Variants in ASTN2 observed in about 807,000 individuals in gnomAD.
ASTN2 encodes the protein astrotactin 2, also known as astrotactin-2.
In ASTN2, 54 loss-of-function variants were observed where a neutral mutation model predicts 139.8. The ratio of observed to expected loss-of-function variants is 0.39; its 90% CI spans 0.31 to 0.48. ASTN2 has a LOEUF of 0.48. Ranked by LOEUF, ASTN2 falls within the 20% of genes least tolerant of loss-of-function variation. ASTN2 has a pLI of 0.95. For missense variants in ASTN2, 1,565 were observed against 1,725.1 expected, an observed-to-expected ratio of 0.91 and a Z score of 1.64; for synonymous variants, 756 against 719.5, an observed-to-expected ratio of 1.05 and a Z score of -0.81.
intron 3 of ASTN2, among the ~76,000 whole-genome samples, chr9:117,213,199 C>T (rs1158326139): frequency 6.6e-6 from 1 of 152,116 alleles, no homozygotes; most frequent in Non-Finnish European, 1.5e-5. Context: ...TTAAATGTCA[C>T]ATATTCTTAT....
chr9:116,879,029 T>G (rs2132366055), intron 10 of ASTN2, among the ~76,000 whole-genome samples: 1 of 152,002 alleles, frequency 6.6e-6, no homozygotes, highest in Non-Finnish European at 1.5e-5. Context: ...CAGAGGGGGT[T>G]GCCGTGAGCC....
At chr9:116,963,918 G>A (rs141931907) in intron 10 of ASTN2, among the ~76,000 whole-genome samples, 2 of 152,222 alleles carry the variant, frequency 1.3e-5, no homozygotes, top group Non-Finnish European at 2.9e-5. Flanking sequence ...TTGACTAAAG[G>A]CCTCAGCTCC....
chr9:116,839,885 T>TA (rs1564297207), intron 11 of ASTN2, among the ~76,000 whole-genome samples: 2,721 of 116,482 alleles, frequency 0.023, 80 homozygotes, highest in African/African-American at 0.094. Context: ...ATTATTATTT[T>TA]TTTTTTTTTA....
chr9:116,705,938 G>C (rs1202341936), intron 16 of ASTN2, among the ~76,000 whole-genome samples: 2 of 152,108 alleles, frequency 1.3e-5, no homozygotes, highest in Admixed American at 1.3e-4. Context: ...GGACATTAAA[G>C]AAATTCAAAG....
At chr9:116,695,149 T>A (rs973161911) in intron 16 of ASTN2, among the ~76,000 whole-genome samples, 1 of 152,138 alleles carries the variant, frequency 6.6e-6, no homozygotes, top group Non-Finnish European at 1.5e-5. Context: ...TTGGGTTAAA[T>A]AAAGTAAAAA....
At chr9:116,701,960 TA>T (rs1333279258) in intron 16 of ASTN2, among the ~76,000 whole-genome samples, 23 of 151,322 alleles carry the variant, frequency 1.5e-4, no homozygotes, top group Non-Finnish European at 2.8e-4. Context: ...GTCTATCATG[TA>T]AAATAGATCA....
chr9:116,480,540 C>T (rs1400712996), intron 20 of ASTN2, among the ~76,000 whole-genome samples: 1 of 152,150 alleles, frequency 6.6e-6, no homozygotes, highest in Non-Finnish European at 1.5e-5. Context: ...GTCCAATGTC[C>T]TTCTAGTGAG....
intron 10 of ASTN2, among the ~76,000 whole-genome samples, chr9:116,966,571 T>C (rs1836015570): frequency 6.6e-6 from 1 of 152,114 alleles, no homozygotes; most frequent in African/African-American, 2.4e-5. Flanking sequence ...GGGAAAAATA[T>C]ATATGTCTCC....
At chr9:117,330,919 G>A (rs1044081753) in intron 1 of ASTN2, among the ~76,000 whole-genome samples, 2 of 152,180 alleles carry the variant, frequency 1.3e-5, no homozygotes, top group Admixed American at 1.3e-4. Flanking sequence ...GGTAGAGCTA[G>A]GATAGGCCTG....
chr9:116,949,907 C>G (rs1263676832), intron 10 of ASTN2, among the ~76,000 whole-genome samples: 1 of 151,954 alleles, frequency 6.6e-6, no homozygotes, highest in East Asian at 1.9e-4. Flanking sequence ...AATAAGGCAA[C>G]TGTATGAAAC....
At chr9:116,580,855 G>C (rs966586513) in intron 19 of ASTN2, among the ~76,000 whole-genome samples, 3 of 152,100 alleles carry the variant, frequency 2.0e-5, no homozygotes, top group African/African-American at 7.2e-5. Flanking sequence ...CCTGGAAAAA[G>C]AGAGAAATAA....
rs571697104 is a variant in ASTN2 at position 116,864,665 on chromosome 9, A to G, written c.1890-932T>C. Among the ~76,000 whole-genome samples, 39 of 152,312 alleles carry G rather than the reference A, an allele frequency of 2.6e-4. 2 individuals carry two copies. Among genetic ancestry groups the G allele is most frequent in the African/African-American group, 9.4e-4 (39 of 41,566 alleles). ...CCATGGGCAGTGAGAAGCGGCACAT[A>G]TCCTTCCCTGGTCTGTGCCTCATGA... On this transcript the variant is annotated intron_variant, in intron 10 of 22. Coordinates refer to ENST00000313400, the MANE Select transcript of ASTN2 (RefSeq NM_001365068.1).
At chr9:116,437,729 G>A (rs1847704001) in intron 22 of ASTN2, 4 of 381,546 alleles carry the variant, frequency 1.0e-5, no homozygotes, top group South Asian at 5.8e-5. Flanking sequence ...TCACACAGCG[G>A]CTTTCATCTG....
At chr9:116,744,915 C>A (rs1829193767) in intron 13 of ASTN2, among the ~76,000 whole-genome samples, 1 of 152,166 alleles carries the variant, frequency 6.6e-6, no homozygotes, top group Non-Finnish European at 1.5e-5. Context: ...AGATCTCAAG[C>A]CTAACCCCCA....
chr9:117,220,137 C>A (rs1832466603), intron 2 of ASTN2, among the ~76,000 whole-genome samples: 1 of 152,186 alleles, frequency 6.6e-6, no homozygotes. Flanking sequence ...TAGCATCATT[C>A]CTTCAGCTTC....
chr9:116,590,740 C>T (rs947493890), intron 19 of ASTN2, among the ~76,000 whole-genome samples: 2 of 152,154 alleles, frequency 1.3e-5, no homozygotes, highest in Non-Finnish European at 2.9e-5. Flanking sequence ...CTCCCTGAAG[C>T]CCATAAAAAC....
intron 16 of ASTN2, among the ~76,000 whole-genome samples, chr9:116,683,834 T>C (rs938586912): frequency 0.013 from 10 of 768 alleles, no homozygotes; most frequent in African/African-American, 0.12. Flanking sequence ...TAAGAATCTG[T>C]TTTTGTCTTG....
chr9:117,393,154 C>T (rs1211671606), intron 1 of ASTN2, among the ~76,000 whole-genome samples: 1 of 152,230 alleles, frequency 6.6e-6, no homozygotes, highest in Non-Finnish European at 1.5e-5. Context: ...CTCTCCTTAG[C>T]TGCAAATACC....
intron 15 of ASTN2, among the ~76,000 whole-genome samples, chr9:116,727,056 CT>C (rs1265991377): frequency 7.1e-6 from 1 of 141,362 alleles, no homozygotes; most frequent in African/African-American, 2.8e-5. Context: ...ACACACACAC[CT>C]GAAATGGCCT....
Sources: gnomAD v4.1 joint callset for allele counts (sites outside exome capture counted in the v4.1 genomes callset) on GRCh38, gnomAD v4.1.1 for gene constraint, MANE v1.5 for transcripts, NCBI Gene and HGNC (gene_info 2026-07-23, HGNC 2026-07-21) for gene names.